The following TAF3 variants were observed in gnomAD, a reference collection of about 807,000 sequenced individuals.
TAF3 encodes the protein TATA-box binding protein associated factor 3, also known as transcription initiation factor TFIID subunit 3.
A neutral mutation model predicts 80.6 loss-of-function variants in TAF3; 7 were observed. The ratio of observed to expected loss-of-function variants is 0.09; its 90% CI spans 0.05 to 0.16. The LOEUF is 0.16. Ranked by LOEUF, TAF3 falls within the 10% of genes least tolerant of loss-of-function variation. TAF3 has a pLI of 1.00. For missense variants in TAF3, 921 were observed against 1,140.2 expected, an observed-to-expected ratio of 0.81 and a Z score of 2.77; for synonymous variants, 444 against 446.1, an observed-to-expected ratio of 1.00 and a Z score of 0.06.
intron 4 of TAF3, among the ~76,000 whole-genome samples, chr10:7,992,271 C>G (rs67672545): frequency 6.6e-6 from 1 of 152,090 alleles, no homozygotes; most frequent in Non-Finnish European, 1.5e-5. Context: ...CCTCAAAGTA[C>G]CCCAGACAAC....
intron 2 of TAF3, among the ~76,000 whole-genome samples, chr10:7,869,795 T>C (rs1312796359): frequency 6.6e-6 from 1 of 152,254 alleles, no homozygotes; most frequent in Non-Finnish European, 1.5e-5. Context: ...TTTTGATCTT[T>C]GGCAGACTGG....
At chr10:7,904,188 G>T (rs1588546152) in intron 2 of TAF3, among the ~76,000 whole-genome samples, 2 of 152,164 alleles carry the variant, frequency 1.3e-5, no homozygotes, top group Admixed American at 6.5e-5. Flanking sequence ...GTTGGGACAC[G>T]CTCTTCCGAG....
At chr10:7,944,105 G>A (rs1838001718) in intron 2 of TAF3, among the ~76,000 whole-genome samples, 2 of 149,972 alleles carry the variant, frequency 1.3e-5, no homozygotes, top group African/African-American at 2.5e-5. Flanking sequence ...GTGTGTGTGT[G>A]TGTGTGTGTG....
intron 2 of TAF3, among the ~76,000 whole-genome samples, chr10:7,878,780 G>A (rs1304841295): frequency 3.3e-5 from 5 of 152,074 alleles, no homozygotes; most frequent in Non-Finnish European, 5.9e-5. Flanking sequence ...TCAGGCTGGA[G>A]TGGAGCGGCA....
intron 2 of TAF3, among the ~76,000 whole-genome samples, chr10:7,846,168 A>G (rs554880089): frequency 9.9e-5 from 15 of 152,102 alleles, no homozygotes; most frequent in East Asian, 3.9e-4. Flanking sequence ...CGTGTTAGCC[A>G]GGACGGTCTC....
intron 2 of TAF3, among the ~76,000 whole-genome samples, chr10:7,884,809 A>G (rs1837393512): frequency 6.6e-6 from 1 of 152,174 alleles, no homozygotes; most frequent in South Asian, 2.1e-4. Flanking sequence ...CCATATCCAT[A>G]CATACATCTA....
At chr10:7,903,206 G>A (rs185177324) in intron 2 of TAF3, among the ~76,000 whole-genome samples, 90 of 152,310 alleles carry the variant, frequency 5.9e-4, no homozygotes, top group African/African-American at 2.0e-3. Context: ...GGGCAACAGA[G>A]CAAGACTCTA....
chr10:7,875,397 CT>C (rs1459321450), intron 2 of TAF3, among the ~76,000 whole-genome samples: 2 of 152,100 alleles, frequency 1.3e-5, no homozygotes, highest in East Asian at 3.9e-4. Flanking sequence ...CTCTTTCTGG[CT>C]GAATAGTGAT....
intron 2 of TAF3, among the ~76,000 whole-genome samples, chr10:7,957,673 CCTTTT>C (rs1327499424): frequency 6.6e-6 from 1 of 151,730 alleles, no homozygotes; most frequent in Non-Finnish European, 1.5e-5. Flanking sequence ...ACAGAAGAGT[CCTTTT>C]CTCCCGTTTC....
intron 2 of TAF3, among the ~76,000 whole-genome samples, chr10:7,874,407 C>T (rs1837295640): frequency 6.6e-6 from 1 of 151,850 alleles, no homozygotes; most frequent in Non-Finnish European, 1.5e-5. Flanking sequence ...TATATCTTAC[C>T]CCTGGGCTTT....
At chr10:7,859,985 G>C (rs1342115995) in intron 2 of TAF3, among the ~76,000 whole-genome samples, 1 of 152,118 alleles carries the variant, frequency 6.6e-6, no homozygotes, top group African/African-American at 2.4e-5. Context: ...TGAAATTCTA[G>C]TTTGGCCAGG....
chr10:7,979,351 GAAAAAAAAATGAA>G (rs1831702811), intron 4 of TAF3, among the ~76,000 whole-genome samples: 1 of 80,260 alleles, frequency 1.2e-5, no homozygotes, highest in African/African-American at 4.6e-5. Context: ...CTCAAAAAAT[GAAAAAAAAATGAA>G]AAAAAAAAAA....
At chr10:7,826,371 T>A (rs866929561) in intron 2 of TAF3, among the ~76,000 whole-genome samples, 8 of 152,216 alleles carry the variant, frequency 5.3e-5, no homozygotes, top group African/African-American at 1.7e-4. Flanking sequence ...ATTTAAATAC[T>A]AGCAAGGAAA....
At chr10:8,004,563 G>C (rs1241055130) in intron 4 of TAF3, among the ~76,000 whole-genome samples, 1 of 151,968 alleles carries the variant, frequency 6.6e-6, no homozygotes, top group Non-Finnish European at 1.5e-5. Flanking sequence ...TGTTTTCAAA[G>C]ACATAATTTA....
chr10:7,966,341 G>A (rs1172431072), intron 3 of TAF3, among the ~76,000 whole-genome samples: 2 of 152,346 alleles, frequency 1.3e-5, no homozygotes, highest in South Asian at 4.1e-4. Context: ...TGATCTGGCA[G>A]CCTGGTGAGT....
intron 2 of TAF3, among the ~76,000 whole-genome samples, chr10:7,826,311 G>C (rs1159913159): frequency 2.0e-5 from 3 of 152,040 alleles, no homozygotes; most frequent in African/African-American, 7.3e-5. Flanking sequence ...TATTTTTATA[G>C]CATGCAAATA....
chr10:7,868,352 T>C (rs1054141847), intron 2 of TAF3, among the ~76,000 whole-genome samples: 5 of 149,618 alleles, frequency 3.3e-5, no homozygotes, highest in Admixed American at 3.3e-4. Flanking sequence ...TGACATAGTG[T>C]CAAGCTCTAG....
At chr10:8,005,034 T>C (rs1233406250) in intron 4 of TAF3, among the ~76,000 whole-genome samples, 5 of 152,248 alleles carry the variant, frequency 3.3e-5, no homozygotes, top group African/African-American at 9.6e-5. Context: ...CTCCTTTCAA[T>C]TTTAAATCTC....
chr10:7,875,336 G>T (rs577037286), intron 2 of TAF3, among the ~76,000 whole-genome samples: 1 of 151,924 alleles, frequency 6.6e-6, no homozygotes, highest in South Asian at 2.1e-4. Flanking sequence ...TGAGCCTTTG[G>T]CTTATTAATC....
Sources: allele counts gnomAD v4.1 joint callset (sites outside exome capture counted in the v4.1 genomes callset), GRCh38; gene constraint gnomAD v4.1.1; transcripts MANE v1.5; gene names NCBI Gene and HGNC (gene_info 2026-07-23, HGNC 2026-07-21).